Variants in MAP3K2 observed in about 807,000 individuals in gnomAD.
MAP3K2 encodes the protein MAP/ERK kinase kinase 2.
Under a neutral mutation model 80.3 loss-of-function variants are expected in MAP3K2, and 24 were observed. That is an observed-to-expected ratio of 0.30 (90% confidence interval 0.22 to 0.42). The LOEUF (loss-of-function observed/expected upper bound fraction) is 0.42, where lower values mean the gene tolerates loss of function less well. Among genes scored for constraint, MAP3K2 ranks in the 10% least tolerant of loss-of-function variants. The pLI is 1.00. For missense variants in MAP3K2, 608 were observed against 750.1 expected, an observed-to-expected ratio of 0.81 and a Z score of 2.21; for synonymous variants, 244 against 253.7, an observed-to-expected ratio of 0.96 and a Z score of 0.36.
chr2:127,338,399 C>G (rs553784634), intron 3 of MAP3K2, among the ~76,000 whole-genome samples: 1 of 152,086 alleles, frequency 6.6e-6, no homozygotes, highest in South Asian at 2.1e-4. Context: ...ACTCACGTCA[C>G]GGGGAGTTGC....
intron 1 of MAP3K2, among the ~76,000 whole-genome samples, chr2:127,367,359 T>G (rs1686990178): frequency 6.6e-6 from 1 of 152,178 alleles, no homozygotes; most frequent in Non-Finnish European, 1.5e-5. Context: ...AAAAAGGAGT[T>G]AACAGGTTAC....
At position 127,324,013 on chromosome 2, in the gene MAP3K2, T is replaced by TAAC. The variant is rs757270734; in HGVS notation, c.746-20_746-19insGTT. The TAAC allele has an allele frequency of 2.4e-5, 29 of 1,226,800 alleles. No homozygotes were observed. The highest frequency in any genetic ancestry group is 1.4e-4 in the African/African-American group (9 of 65,176). 76.0% of individuals were successfully genotyped at this position (1,226,800 alleles called of 1,614,324 possible). ...TCATAGTCTGTTAAGACATATAAGA[T>TAAC]GGTTATCTTTTATTTAAAAAAAAAA... On this transcript the variant is annotated intron_variant, in intron 10 of 16. Coordinates refer to ENST00000682094, the MANE Select transcript of MAP3K2 (RefSeq NM_001371910.2).
In MAP3K2 at chr2:127,360,810, G is replaced by A. The variant is rs1025062683; in HGVS notation, c.-65-17616C>T. Reference sequence around the variant, plus strand: ...TTTAAAAAATGAAGTCAAATCTGTCGTCATTGGTTACATATATCCTAATTG... The same window carrying A: ...TTTAAAAAATGAAGTCAAATCTGTCATCATTGGTTACATATATCCTAATTG... On this transcript the variant is annotated intron_variant, in intron 1 of 16. Transcript: ENST00000682094. Among the ~76,000 whole-genome samples the A allele has an allele frequency of 3.3e-5, 5 of 152,206 alleles. 1 individual carries two copies. In the South Asian group the frequency reaches 6.2e-4, roughly 19 times the overall value.
At chr2:127,357,841 A>G (rs1686821824) in intron 1 of MAP3K2, among the ~76,000 whole-genome samples, 1 of 152,202 alleles carries the variant, frequency 6.6e-6, no homozygotes, top group Non-Finnish European at 1.5e-5. Context: ...ACCTACATAT[A>G]AGGACTAAAA....
intron 1 of MAP3K2, among the ~76,000 whole-genome samples, chr2:127,366,877 T>TTG (rs1553519029): frequency 2.8e-5 from 4 of 140,598 alleles, no homozygotes; most frequent in Admixed American, 7.2e-5. Context: ...TTTTTTTTTT[T>TTG]TTTTTTTTTT....
chr2:127,374,867 C>T (rs1687122928), intron 1 of MAP3K2, among the ~76,000 whole-genome samples: 1 of 152,158 alleles, frequency 6.6e-6, no homozygotes, highest in Non-Finnish European at 1.5e-5. Context: ...CCGTATAACT[C>T]CCAAGGACAG....
intron 3 of MAP3K2, 69 bp downstream of exon 3, chr2:127,338,860 AAAC>A: frequency 2.9e-6 from 3 of 1,031,946 alleles, no homozygotes; most frequent in Non-Finnish European, 4.3e-6. Context: ...TGAACACATT[AAAC>A]AAGTCCTCCA....
Position 127,304,895 on chromosome 2 carries a change from G to A in MAP3K2, c.*2684C>T, listed in dbSNP as rs1476737335. 1.3e-5 allele frequency: 2 copies of A among 152,188 alleles called. No individual in the cohort carries two copies. The highest frequency in any genetic ancestry group is 2.9e-5 in the Non-Finnish European group (2 of 67,924). The allele number at this position is 152,188 out of a possible 1,614,324, so 9.4% of individuals were successfully genotyped here. On this transcript the variant is annotated 3_prime_UTR_variant, in exon 17 of 17. Coordinates refer to ENST00000682094, the MANE Select transcript of MAP3K2 (RefSeq NM_001371910.2). ...AACTTGTTTGAAATAAATTCACATC[G>A]TATTTTATATAATAACTCTGTAAAC...
chr2:127,364,176 CA>C lies in MAP3K2; in HGVS notation c.-65-20983del, dbSNP rs1292258325. ...CCCTTCCTGGTCCTTGATTTCTGCT[CA>C]TCCCTTGAATACCCATCTCCCCTCT... On this transcript the variant is annotated intron_variant, in intron 1 of 16. Transcript: ENST00000682094. The surrounding 1 kb of genome is among the most constrained non-coding windows in gnomAD (Gnocchi z 4.1). Among the ~76,000 whole-genome samples the C allele has an allele frequency of 6.6e-6, 1 of 152,170 alleles. No individual in the cohort carries two copies. The highest frequency in any genetic ancestry group is 2.4e-5 in the African/African-American group (1 of 41,444).
At position 127,301,544 on chromosome 2, in the gene MAP3K2, G is replaced by C. The variant is rs1025858071; in HGVS notation, c.*6035C>G. The C allele has an allele frequency of 6.6e-6, 1 of 152,036 alleles. No individual in the cohort carries two copies. The highest frequency in any genetic ancestry group is 2.1e-4 in the South Asian group (1 of 4,818). 9.4% of individuals were successfully genotyped at this position (152,036 alleles called of 1,614,324 possible). The stretch of plus-strand genomic sequence containing the variant: ...AGAAGTAACAGTGCTAATTATTTTG[G>C]CTATGTGTACAGGGAATATAAAAGC... On this transcript the variant is annotated 3_prime_UTR_variant, in exon 17 of 17. Coordinates refer to ENST00000682094, the MANE Select transcript of MAP3K2 (RefSeq NM_001371910.2).
chr2:127,372,045 C>T (rs902077466), intron 1 of MAP3K2, among the ~76,000 whole-genome samples: 1 of 152,012 alleles, frequency 6.6e-6, no homozygotes, highest in Non-Finnish European at 1.5e-5. Flanking sequence ...TACTCTGCCC[C>T]GATGAATTAG....
intron 2 of MAP3K2, among the ~76,000 whole-genome samples, chr2:127,341,103 C>T (rs968376939): frequency 6.6e-6 from 1 of 151,560 alleles, no homozygotes; most frequent in Non-Finnish European, 1.5e-5. Context: ...CATTCTCCTG[C>T]CTCAGCCTCC....
chr2:127,339,097 T>C lies in MAP3K2; in HGVS notation c.5-47A>G, dbSNP rs1327642960. On this transcript the variant is annotated intron_variant, in intron 2 of 16. Transcript: ENST00000682094. This position sits in a 1 kb window ranked among gnomAD's most constrained non-coding sequence, Gnocchi z 4.2. ...CATACATAGAATTGTAATTGTGACA[T>C]ATATATCAACATGTATAGACATCAA... 1 of 1,162,754 alleles carries C rather than the reference T, an allele frequency of 8.6e-7. No homozygotes were observed. 72.0% of individuals were successfully genotyped at this position (1,162,754 alleles called of 1,614,324 possible). A position where few individuals can be genotyped will look rare whatever the true frequency, so the allele number is the denominator to read the frequency against.
chr2:127,357,504 C>T (rs1686816831), intron 1 of MAP3K2, among the ~76,000 whole-genome samples: 1 of 151,978 alleles, frequency 6.6e-6, no homozygotes, highest in South Asian at 2.1e-4. Flanking sequence ...AAGAATAGAA[C>T]AGAACAGAAT....
Position 127,314,953 on chromosome 2 carries a change from T to C in MAP3K2, c.1327-70A>G, listed in dbSNP as rs1685873437. 4 of 1,152,914 alleles carry C rather than the reference T, an allele frequency of 3.5e-6. No individual in the cohort carries two copies. The East Asian group carries it at 1.0e-4, about 29-fold the overall frequency. 71.4% of individuals were successfully genotyped at this position (1,152,914 alleles called of 1,614,324 possible). A position where few individuals can be genotyped will look rare whatever the true frequency, so the allele number is the denominator to read the frequency against. Reference sequence around the variant, plus strand: ...GAAATGAAAACTGCTATTAAATCTTTATCAGTAAAGAGGGCAGGAATTCTC... The same window carrying C: ...GAAATGAAAACTGCTATTAAATCTTCATCAGTAAAGAGGGCAGGAATTCTC... On this transcript the variant is annotated intron_variant, in intron 14 of 16. Coordinates refer to ENST00000682094, the MANE Select transcript of MAP3K2 (RefSeq NM_001371910.2).
intron 1 of MAP3K2, among the ~76,000 whole-genome samples, chr2:127,353,593 C>T (rs1686741234): frequency 6.6e-6 from 1 of 151,396 alleles, no homozygotes; most frequent in Non-Finnish European, 1.5e-5. Context: ...CCCGCCTGGC[C>T]AGCCGCCCCG....
chr2:127,354,035 T>C (rs1686753425), intron 1 of MAP3K2, among the ~76,000 whole-genome samples: 1 of 151,990 alleles, frequency 6.6e-6, no homozygotes, highest in Non-Finnish European at 1.5e-5. Context: ...AAACAGATGC[T>C]TGAAGGCAAC....
intron 1 of MAP3K2, among the ~76,000 whole-genome samples, chr2:127,380,605 C>G (rs2104902450): frequency 6.6e-6 from 1 of 152,188 alleles, no homozygotes; most frequent in Non-Finnish European, 1.5e-5. Flanking sequence ...GTATAAACAA[C>G]AACAACAAAG....
intron 12 of MAP3K2, among the ~76,000 whole-genome samples, chr2:127,319,719 A>G (rs1458636647): frequency 6.6e-6 from 1 of 150,822 alleles, no homozygotes; most frequent in Non-Finnish European, 1.5e-5. Context: ...GATGCCCGCA[A>G]TCCCAGCTAC....
Sources: gnomAD v4.1 joint callset for allele counts (sites outside exome capture counted in the v4.1 genomes callset) on GRCh38, gnomAD v4.1.1 for gene constraint, Gnocchi (gnomAD v3.1) non-coding constraint, MANE v1.5 for transcripts, NCBI Gene and HGNC (gene_info 2026-07-23, HGNC 2026-07-21) for gene names.